The following KIF13B variants were observed in gnomAD, a reference collection of about 807,000 sequenced individuals.
KIF13B encodes the protein kinesin family member 13B, also known as kinesin-like protein KIF13B.
Under a neutral mutation model 222.0 loss-of-function variants are expected in KIF13B, and 127 were observed. That is an observed-to-expected ratio of 0.57 (90% CI 0.50 to 0.66). The LOEUF is 0.66. KIF13B is among the 30% of genes least tolerant of loss of function. KIF13B has a pLI of 0.00. For synonymous variants in KIF13B, 976 were observed against 919.0 expected, an observed-to-expected ratio of 1.06 and a Z score of -1.12; for missense variants, 2,173 against 2,379.0, an observed-to-expected ratio of 0.91 and a Z score of 1.80.
intron 2 of KIF13B, among the ~76,000 whole-genome samples, chr8:29,217,993 G>T (rs1389390976): frequency 6.6e-6 from 1 of 152,156 alleles, no homozygotes; most frequent in African/African-American, 2.4e-5. Flanking sequence ...GGTGTCAACT[G>T]ATTCCCCTTT....
chr8:29,186,686 G>A (rs568956046), intron 5 of KIF13B, among the ~76,000 whole-genome samples: 3 of 152,218 alleles, frequency 2.0e-5, no homozygotes, highest in African/African-American at 4.8e-5. Context: ...GGCTGGGTGC[G>A]GTGGCTCACG....
chr8:29,192,325 C>T (rs1445937828), intron 3 of KIF13B, among the ~76,000 whole-genome samples: 2 of 152,212 alleles, frequency 1.3e-5, no homozygotes, highest in Non-Finnish European at 2.9e-5. Context: ...CAATCACCTC[C>T]AGGCACCTGG....
chr8:29,153,484 G>A (rs938468416), intron 14 of KIF13B, among the ~76,000 whole-genome samples: 2 of 123,224 alleles, frequency 1.6e-5, no homozygotes, highest in African/African-American at 6.2e-5. Context: ...ATACCACTAA[G>A]GGAAGAATTT....
intron 2 of KIF13B, among the ~76,000 whole-genome samples, chr8:29,231,501 A>G (rs1393985904): frequency 1.3e-5 from 2 of 152,242 alleles, no homozygotes; most frequent in Non-Finnish European, 2.9e-5. Context: ...GAACAGGCCA[A>G]GCGTTTTGGT....
At chr8:29,104,664 T>C (rs1808962574) in intron 35 of KIF13B, among the ~76,000 whole-genome samples, 1 of 152,196 alleles carries the variant, frequency 6.6e-6, no homozygotes, top group South Asian at 2.1e-4. Flanking sequence ...TGCCATTCCT[T>C]GGGACATGAC....
At chr8:29,188,748 C>A (rs1278682149) in intron 4 of KIF13B, 141 bp from the exon 5 acceptor site, 20 of 619,178 alleles carry the variant, frequency 3.2e-5, no homozygotes, top group Non-Finnish European at 5.3e-5. Context: ...ACGAATGCTC[C>A]CAAAGGCTTA....
At chr8:29,230,354 C>T (rs1815230083) in intron 2 of KIF13B, among the ~76,000 whole-genome samples, 2 of 152,162 alleles carry the variant, frequency 1.3e-5, no homozygotes, top group African/African-American at 4.8e-5. Context: ...CGGGGTTGAT[C>T]AATTTAAAAA....
rs754651854 is a variant in KIF13B at position 29,142,247 on chromosome 8, CTTTCCT to C, written c.2238_2243del (p.Gly747_Lys748del). ...CCAGTTTTTCCAAAGACCAAATCTG[CTTTCCT>C]TTTCCTTTTCTTCTCACCTGGATTG... is the stretch of plus-strand genomic sequence containing the variant. On this transcript the variant is annotated inframe_deletion, in exon 19 of 40. Coordinates refer to ENST00000524189, the MANE Select transcript of KIF13B (RefSeq NM_015254.4). 9 of 1,613,668 alleles carry C rather than the reference CTTTCCT, an allele frequency of 5.6e-6. No individual in the cohort carries two copies. The Admixed American group carries it at 8.3e-5, about 15-fold the overall frequency.
In KIF13B at chr8:29,126,467, C is replaced by G; in HGVS notation, c.3252+15G>C. The G allele has an allele frequency of 1.3e-6, 2 of 1,509,094 alleles. No individual in the cohort carries two copies. The highest frequency in any genetic ancestry group is 9.1e-7 in the Non-Finnish European group (1 of 1,094,264). The allele number at this position is 1,509,094 out of a possible 1,614,324, so 93.5% of individuals were successfully genotyped here. A position where few individuals can be genotyped will look rare whatever the true frequency, so the allele number is the denominator to read the frequency against. On this transcript the variant is annotated intron_variant, in intron 26 of 39. Transcript: ENST00000524189. ...TCATGCTTATTTGAGATGAGATTAA[C>G]AGGTGCTAAATTACCTGGTAGCTGT...
At chr8:29,086,340 G>A (rs1312940643) in intron 37 of KIF13B, among the ~76,000 whole-genome samples, 1 of 152,144 alleles carries the variant, frequency 6.6e-6, no homozygotes, top group African/African-American at 2.4e-5. Flanking sequence ...TAAGCCGGAG[G>A]ATTACTTGAG....
At chr8:29,100,272 C>T (rs886239118) in intron 35 of KIF13B, among the ~76,000 whole-genome samples, 1 of 152,160 alleles carries the variant, frequency 6.6e-6, no homozygotes, top group Non-Finnish European at 1.5e-5. Flanking sequence ...TAACTTCAGC[C>T]CTATCTAGGG....
chr8:29,092,060 T>C (rs1041057744), intron 37 of KIF13B, among the ~76,000 whole-genome samples: 1 of 152,254 alleles, frequency 6.6e-6, no homozygotes, highest in African/African-American at 2.4e-5. Flanking sequence ...AAAGACCTAT[T>C]TGGACAACAG....
At chr8:29,150,824 T>C (rs1182855652) in intron 14 of KIF13B, among the ~76,000 whole-genome samples, 2 of 152,170 alleles carry the variant, frequency 1.3e-5, no homozygotes. Context: ...GTTTTGACTC[T>C]CTCCCTCTCC....
chr8:29,071,941 C>G lies in KIF13B; in HGVS notation c.4897G>C (p.Glu1633Gln). 1 of 1,392,786 alleles carries G rather than the reference C, an allele frequency of 7.2e-7. No homozygotes were observed. Among genetic ancestry groups the G allele is most frequent in the Non-Finnish European group, 9.2e-7 (1 of 1,082,806 alleles). The allele number at this position is 1,392,786 out of a possible 1,614,324, so 86.3% of individuals were successfully genotyped here. A position where few individuals can be genotyped will look rare whatever the true frequency, so the allele number is the denominator to read the frequency against. The change falls in exon 39 of 40, where the codon GAG becomes CAG. Residue 1633 changes from glutamate to glutamine, a missense_variant. Glu to Gln is a conservative substitution (Grantham distance 29). This residue lies in a region of KIF13B where 693 missense variants were observed against 656.2 expected (regional missense o/e 1.06). Coordinates refer to ENST00000524189, the MANE Select transcript of KIF13B (RefSeq NM_015254.4). The surrounding 1 kb of genome is among the most constrained non-coding windows in gnomAD (Gnocchi z 4.9). Reference protein sequence around the residue: ...GPQQLVSPGRERPDLEAPAPG... With the variant: ...GPQQLVSPGRQRPDLEAPAPG... ...GCCGGGGCCTCGAGGTCGGGGCGCT[C>G]CCGACCGGGGCTCACGAGCTGCTGG...
intron 1 of KIF13B, among the ~76,000 whole-genome samples, chr8:29,256,380 AC>A (rs1816479369): frequency 6.6e-6 from 1 of 151,920 alleles, no homozygotes; most frequent in African/African-American, 2.4e-5. Context: ...CCTCCACGTC[AC>A]CCCGGTGGAA....
intron 36 of KIF13B, among the ~76,000 whole-genome samples, chr8:29,098,652 A>G (rs1808651810): frequency 6.6e-6 from 1 of 151,850 alleles, no homozygotes; most frequent in Non-Finnish European, 1.5e-5. Context: ...ATCTCCCCAC[A>G]AAGAGGATTC....
intron 37 of KIF13B, among the ~76,000 whole-genome samples, chr8:29,080,945 A>C (rs1807782434): frequency 6.6e-6 from 1 of 152,002 alleles, no homozygotes. Context: ...CTTCAAATCC[A>C]CTTTCCAAAC....
At chr8:29,120,147 G>A (rs933521079) in intron 29 of KIF13B, among the ~76,000 whole-genome samples, 1 of 149,328 alleles carries the variant, frequency 6.7e-6, no homozygotes, top group African/African-American at 2.5e-5. Flanking sequence ...GGTGGTGAGT[G>A]GGAAACAGAA....
At chr8:29,254,417 G>C (rs554203412) in intron 1 of KIF13B, among the ~76,000 whole-genome samples, 4 of 152,300 alleles carry the variant, frequency 2.6e-5, no homozygotes, top group African/African-American at 9.6e-5. Context: ...TCATCTATTT[G>C]ATAACAGAAT....
Sources: gnomAD v4.1 joint callset for allele counts (sites outside exome capture counted in the v4.1 genomes callset) on GRCh38, gnomAD v4.1.1 for gene constraint, gnomAD v4.1.1 regional missense constraint, Gnocchi (gnomAD v3.1) non-coding constraint, MANE v1.5 for transcripts, NCBI Gene and HGNC (gene_info 2026-07-23, HGNC 2026-07-21) for gene names.